The following ABCB9 variants were observed in gnomAD, a reference collection of about 807,000 sequenced individuals.
ABCB9 encodes ABC-type oligopeptide transporter ABCB9.
A neutral mutation model predicts 62.0 loss-of-function variants in ABCB9; 36 were observed. The observed-to-expected ratio is 0.58, with a 90% CI of 0.45 to 0.77. The LOEUF (loss-of-function observed/expected upper bound fraction) is 0.77. ABCB9 is among the 30% of genes least tolerant of loss of function. The probability of loss-of-function intolerance (pLI) is 0.00; values close to 1 mark genes in which losing one functional copy is unlikely to be tolerated. For synonymous variants in ABCB9, 435 were observed against 461.4 expected, an observed-to-expected ratio of 0.94 and a Z score of 0.73; for missense variants, 943 against 1,054.7, an observed-to-expected ratio of 0.89 and a Z score of 1.47.
intron 7 of ABCB9, among the ~76,000 whole-genome samples, chr12:122,943,480 G>A (rs867712857): frequency 1.5e-4 from 23 of 152,124 alleles, no homozygotes; most frequent in African/African-American, 3.1e-4. Flanking sequence ...CCCCGTTCCC[G>A]AGCAAATGTG....
chr12:122,947,724 G>T lies in ABCB9; in HGVS notation c.1053+900C>A, dbSNP rs915652913. The stretch of plus-strand genomic sequence containing the variant: ...AAGCAGTGCCGTGGGGTGGCCAGAG[G>T]GGACAGCAGCCTGCCCATGATGGCA... On this transcript the variant is annotated intron_variant, in intron 5 of 11. Coordinates refer to ENST00000280560, the MANE Select transcript of ABCB9 (RefSeq NM_019625.4). The surrounding 1 kb of genome is among the most constrained non-coding windows in gnomAD (Gnocchi z 6.0). The T allele has an allele frequency of 3.2e-5, 8 of 249,412 alleles. No individual in the cohort carries two copies. Among genetic ancestry groups the T allele is most frequent in the African/African-American group, 1.8e-4 (8 of 44,964 alleles). The allele number at this position is 249,412 out of a possible 1,614,324, so 15.4% of individuals were successfully genotyped here.
At chr12:122,956,232 C>T (rs946327468) in intron 2 of ABCB9, among the ~76,000 whole-genome samples, 33 of 152,208 alleles carry the variant, frequency 2.2e-4, no homozygotes, top group Admixed American at 6.5e-4. Context: ...CAAGGTGTCT[C>T]ACCCATGTGG....
At chr12:122,963,271 C>T (rs2037007733) in intron 1 of ABCB9, among the ~76,000 whole-genome samples, 2 of 152,178 alleles carry the variant, frequency 1.3e-5, no homozygotes, top group Non-Finnish European at 2.9e-5. Flanking sequence ...GCACTCCAGC[C>T]TGGGTGACAG....
exon 1 of ABCB9, chr12:122,975,099 T>C (rs531825907): frequency 6.0e-6 from 3 of 499,278 alleles, no homozygotes; most frequent in Non-Finnish European, 1.1e-5. Context: ...AGCATCTTTC[T>C]CCGCAGACCG....
intron 1 of ABCB9, among the ~76,000 whole-genome samples, chr12:122,963,885 G>A (rs545987294): frequency 1.4e-4 from 22 of 152,284 alleles, no homozygotes; most frequent in African/African-American, 4.8e-4. Context: ...TAGGATGGTC[G>A]GACACCCTCA....
intron 2 of ABCB9, chr12:122,950,813 C>A (rs915388585): frequency 8.9e-6 from 4 of 448,964 alleles, no homozygotes; most frequent in Non-Finnish European, 1.6e-5. Context: ...ATAGTGGCTA[C>A]CAGGCATCGA....
downstream of ABCB9, among the ~76,000 whole-genome samples, chr12:122,920,157 A>G (rs2034713761): frequency 6.6e-6 from 1 of 152,124 alleles, no homozygotes; most frequent in African/African-American, 2.4e-5. Context: ...CTGGGATTAC[A>G]GGCATGAGCC....
chr12:122,925,933 T>C (rs2034891201), downstream of ABCB9, among the ~76,000 whole-genome samples: 1 of 152,214 alleles, frequency 6.6e-6, no homozygotes, highest in African/African-American at 2.4e-5. Flanking sequence ...AAAGTGCTGA[T>C]TCATGCCACA....
chr12:122,948,782 G>C lies in ABCB9; in HGVS notation c.895C>G (p.Leu299Val), dbSNP rs746595367. ...AAGACATTGATGTTCTGGGAGACCA[G>C]GTCGCTGACCATGGTGGTGTCCGAG... ...LTSDTTMVSD[L>V]VSQNINVFLR... The change falls in exon 5 of 12, where the codon CTG becomes GTG. Residue 299 changes from leucine to valine, a missense_variant. By Grantham distance (32) the Leu-to-Val change is conservative. Transcript: ENST00000280560. The C allele has an allele frequency of 3.7e-6, 6 of 1,606,918 alleles. No individual in the cohort carries two copies. The highest frequency in any genetic ancestry group is 1.7e-5 in the Admixed American group (1 of 59,270).
intron 9 of ABCB9, among the ~76,000 whole-genome samples, chr12:122,935,743 A>G (rs2035426795): frequency 6.6e-6 from 1 of 152,248 alleles, no homozygotes; most frequent in Non-Finnish European, 1.5e-5. Context: ...AAAGAGGGAT[A>G]GAATATAGAA....
chr12:122,966,102 C>A (rs984365909), intron 1 of ABCB9, among the ~76,000 whole-genome samples, 185 bp downstream of exon 1: 2 of 152,222 alleles, frequency 1.3e-5, no homozygotes, highest in Non-Finnish European at 2.9e-5. Context: ...AAGGATGCTG[C>A]AGGGATGGGG....
rs1037255254 is a variant in ABCB9, at chr12:122,964,925, A to C, written c.-88+1362T>G. ...AGGAGACATTGGTTGGGGTATCTCT[A>C]GGCATCAGCTGCAGAGAAGGCCAGA... On this transcript the variant is annotated intron_variant, in intron 1 of 11. Coordinates refer to ENST00000280560, the MANE Select transcript of ABCB9 (RefSeq NM_019625.4). The surrounding 1 kb of genome is among the most constrained non-coding windows in gnomAD (Gnocchi z 4.7). Among the ~76,000 whole-genome samples the C allele has an allele frequency of 6.6e-6, 1 of 152,176 alleles. No homozygotes were observed. Among genetic ancestry groups the C allele is most frequent in the Admixed American group, 6.5e-5 (1 of 15,278 alleles).
chr12:122,933,996 C>G (rs957277336), intron 10 of ABCB9, among the ~76,000 whole-genome samples: 1 of 152,178 alleles, frequency 6.6e-6, no homozygotes, highest in African/African-American at 2.4e-5. Flanking sequence ...GAAATCCCAC[C>G]ACTTTGGGAA....
At position 122,960,010 on chromosome 12, in the gene ABCB9, G is replaced by C. The variant is rs762377904; in HGVS notation, c.226C>G (p.Pro76Ala). The part of the protein sequence containing the change: ...IGVAKNSALG[P>A]RRLRASWLVI... ...AGCCACGAGGCCCGCAGCCGCCGGG[G>C]CCCCAGCGCACTGTTCTTGGCCACA... The change falls in exon 2 of 12, where the codon CCC becomes GCC. Residue 76 changes from proline (P) to alanine (A), a missense_variant. Transcript: ENST00000280560. 1.2e-6 allele frequency: 2 copies of C among 1,613,212 alleles called. No individual in the cohort carries two copies. The highest frequency in any genetic ancestry group is 8.5e-7 in the Non-Finnish European group (1 of 1,180,044).
intron 1 of ABCB9, among the ~76,000 whole-genome samples, chr12:122,963,016 A>T (rs2036987670): frequency 6.6e-6 from 1 of 152,220 alleles, no homozygotes; most frequent in Non-Finnish European, 1.5e-5. Flanking sequence ...ACCAGGGGCC[A>T]GGCATGGTGG....
intron 2 of ABCB9, chr12:122,953,094 G>C (rs897963591): frequency 1.3e-5 from 2 of 152,166 alleles, no homozygotes; most frequent in Non-Finnish European, 2.9e-5. Flanking sequence ...TCTTCTCCCC[G>C]CCCCATCTCA....
At chr12:122,954,099 G>A (rs2036503018) in intron 2 of ABCB9, among the ~76,000 whole-genome samples, 1 of 151,494 alleles carries the variant, frequency 6.6e-6, no homozygotes, top group Non-Finnish European at 1.5e-5. Flanking sequence ...AGCTGGAGAG[G>A]TCAAGGCTGA....
chr12:122,928,195 C>T (rs60739634), downstream of ABCB9, among the ~76,000 whole-genome samples: 2 of 152,058 alleles, frequency 1.3e-5, no homozygotes, highest in African/African-American at 2.4e-5. Flanking sequence ...GCTGGCCAGG[C>T]GCGGTGGCTC....
At chr12:122,933,022 C>A (rs921907929) in intron 10 of ABCB9, among the ~76,000 whole-genome samples, 16 of 152,280 alleles carry the variant, frequency 1.1e-4, no homozygotes, top group African/African-American at 3.9e-4. Flanking sequence ...TTCTGAGTAA[C>A]TGAGACTACA....
Sources: allele counts gnomAD v4.1 joint callset (sites outside exome capture counted in the v4.1 genomes callset), GRCh38; gene constraint gnomAD v4.1.1; non-coding constraint Gnocchi (gnomAD v3.1); transcripts MANE v1.5; gene names NCBI Gene and HGNC (gene_info 2026-07-23, HGNC 2026-07-21).